MYO10: variants seen among roughly 807,000 people sequenced by gnomAD.
MYO10 encodes myosin X, also known as unconventional myosin-X.
In MYO10, 133 loss-of-function variants were observed where a neutral mutation model predicts 257.3. That is an observed-to-expected ratio of 0.52 (90% CI 0.45 to 0.60). The LOEUF (loss-of-function observed/expected upper bound fraction) is 0.60. MYO10 is among the 20% of genes least tolerant of loss of function. MYO10 has a pLI of 0.00. For missense variants in MYO10, 2,399 were observed against 2,635.7 expected (o/e 0.91, Z 1.97); for synonymous variants, 1,104 against 1,028.6 (o/e 1.07, Z -1.40).
chr5:16,681,795 A>C, intron 31 of MYO10, 76 bp downstream of exon 31: 1 of 1,482,884 alleles, frequency 6.7e-7, no homozygotes, highest in Non-Finnish European at 9.1e-7. Context: ...CTCGAAATGA[A>C]AATGCTGCAG....
intron 19 of MYO10, among the ~76,000 whole-genome samples, chr5:16,726,654 T>C (rs773063955): frequency 1.3e-5 from 2 of 152,190 alleles, no homozygotes; most frequent in Admixed American, 6.5e-5. Flanking sequence ...TTCCTGTAGT[T>C]CCAACGTATT....
chr5:16,682,018 G>T lies in MYO10; in HGVS notation c.4047-5C>A. 1 of 1,612,356 alleles carries T rather than the reference G, an allele frequency of 6.2e-7. No individual in the cohort carries two copies. ...ATGATCACAAACGAGTTGGGTCTGA[G>T]CCACAAGATGAGAAGGAAACAAAGC... On this transcript the variant is annotated splice_polypyrimidine_tract_variant and splice_region_variant and intron_variant, in intron 30 of 40. Coordinates refer to ENST00000513610, the MANE Select transcript of MYO10 (RefSeq NM_012334.3).
intron 30 of MYO10, 147 bp downstream of exon 30, chr5:16,683,733 C>T (rs1737112491): frequency 5.6e-6 from 4 of 715,864 alleles, no homozygotes; most frequent in Non-Finnish European, 9.3e-6. Flanking sequence ...AGAAGGAAGA[C>T]TGGATTGCTG....
At chr5:16,845,543 T>TA (rs1194838258) in intron 2 of MYO10, among the ~76,000 whole-genome samples, 12 of 152,010 alleles carry the variant, frequency 7.9e-5, no homozygotes, top group Admixed American at 2.0e-4. Context: ...GGTCCACACT[T>TA]AGAGTCCCAG....
At position 16,870,303 on chromosome 5, in the gene MYO10, G is replaced by C. The variant is rs199715129; in HGVS notation, c.120+7306C>G. ...CAAAACACTAATACTGGTGGAATAC[G>C]GAAGGGCTTGAGTGCTTCTTGCTCT... is the stretch of plus-strand genomic sequence containing the variant. On this transcript the variant is annotated intron_variant, in intron 2 of 40. Transcript: ENST00000513610. Among the ~76,000 whole-genome samples the C allele has an allele frequency of 2.7e-4, 41 of 151,476 alleles. 1 individual carries two copies. The East Asian group carries it at 6.1e-3, about 22-fold the overall frequency.
intron 2 of MYO10, among the ~76,000 whole-genome samples, chr5:16,870,333 T>C (rs1437292150): frequency 2.0e-5 from 3 of 151,430 alleles, no homozygotes; most frequent in Non-Finnish European, 4.4e-5. Flanking sequence ...TGCTCTTCAT[T>C]TTAAGTAATT....
At chr5:16,881,971 A>C (rs1744765761) in intron 1 of MYO10, among the ~76,000 whole-genome samples, 1 of 152,244 alleles carries the variant, frequency 6.6e-6, no homozygotes, top group Admixed American at 6.5e-5. Flanking sequence ...AATTGCCTTT[A>C]TAAGCAGGTG....
chr5:16,708,196 T>G (rs1415564296), intron 21 of MYO10, among the ~76,000 whole-genome samples: 1 of 152,230 alleles, frequency 6.6e-6, no homozygotes, highest in East Asian at 1.9e-4. Flanking sequence ...ACTGAACTCC[T>G]CTTTAAAAAC....
chr5:16,712,162 G>T (rs1738650778), intron 19 of MYO10, among the ~76,000 whole-genome samples: 1 of 152,102 alleles, frequency 6.6e-6, no homozygotes, highest in Non-Finnish European at 1.5e-5. Flanking sequence ...AGCCGGTTTG[G>T]AAGACATAGA....
At position 16,778,835 on chromosome 5, in the gene MYO10, C is replaced by T. The variant is rs913275624; in HGVS notation, c.930+710G>A. Among the ~76,000 whole-genome samples the T allele has an allele frequency of 3.3e-5, 5 of 152,044 alleles. No homozygotes were observed. In the East Asian group the frequency reaches 7.8e-4, roughly 24 times the overall value. ...CCTCCCGAGTAGCTGGGACTATAGG[C>T]GCCCGCCACCACGCCCGGCTAATTG... On this transcript the variant is annotated intron_variant, in intron 9 of 40. Coordinates refer to ENST00000513610, the MANE Select transcript of MYO10 (RefSeq NM_012334.3).
intron 19 of MYO10, among the ~76,000 whole-genome samples, chr5:16,715,582 G>A (rs202087615): frequency 9.2e-5 from 1 of 10,860 alleles, no homozygotes; most frequent in African/African-American, 1.6e-4. Flanking sequence ...TTACAGGCAT[G>A]AGCCACCTCA....
rs576990198 is a variant in MYO10 at position 16,671,580 on chromosome 5, G to A, written c.5310-38C>T. On this transcript the variant is annotated intron_variant, in intron 37 of 40. Coordinates refer to ENST00000513610, the MANE Select transcript of MYO10 (RefSeq NM_012334.3). ...GTCAAGAGAGGCTCAGAATATGAAC[G>A]AGAAGGGCCTTCAGTGACCCGCAGG... 3.1e-6 allele frequency: 5 copies of A among 1,613,200 alleles called. No homozygotes were observed. The East Asian group carries it at 6.7e-5, about 22-fold the overall frequency.
At chr5:16,928,689 T>C (rs2449479) in intron 1 of MYO10, among the ~76,000 whole-genome samples, 70,839 of 150,804 alleles carry the variant, frequency 0.47, 16,894 homozygotes, top group African/African-American at 0.53. Context: ...ACTAAAAATA[T>C]CAAAAATTAG....
chr5:16,755,310 C>T (rs984117376), intron 18 of MYO10, among the ~76,000 whole-genome samples: 5 of 152,166 alleles, frequency 3.3e-5, no homozygotes, highest in Admixed American at 6.5e-5. Flanking sequence ...GGACTACAGG[C>T]GCCCGCCACC....
chr5:16,710,479 C>T (rs547553129), intron 21 of MYO10, among the ~76,000 whole-genome samples: 1 of 152,286 alleles, frequency 6.6e-6, no homozygotes, highest in East Asian at 1.9e-4. Context: ...TTCAGACCGG[C>T]TACTGATCTC....
chr5:16,702,900 C>T (rs1738150245), intron 23 of MYO10, 25 bp downstream of exon 23: 12 of 1,538,178 alleles, frequency 7.8e-6, no homozygotes, highest in Non-Finnish European at 9.7e-6. Flanking sequence ...CCATTTGTTT[C>T]ATCCCAGCAA....
chr5:16,858,168 C>G lies in MYO10; in HGVS notation c.120+19441G>C, dbSNP rs139354338. Among the ~76,000 whole-genome samples the G allele has an allele frequency of 4.3e-3, 654 of 152,242 alleles. 6 individuals are homozygous for G. Among genetic ancestry groups the G allele is most frequent in the African/African-American group, 0.015 (620 of 41,546 alleles). ...CCGATGAATGGGCATGGCTGTGTTC[C>G]AATATAACTTTATTAAATTTGAATT... is the stretch of plus-strand genomic sequence containing the variant. On this transcript the variant is annotated intron_variant, in intron 2 of 40. Coordinates refer to ENST00000513610, the MANE Select transcript of MYO10 (RefSeq NM_012334.3).
chr5:16,913,867 C>T (rs1189161497), intron 1 of MYO10, among the ~76,000 whole-genome samples: 12 of 151,960 alleles, frequency 7.9e-5, no homozygotes, highest in Admixed American at 4.6e-4. Flanking sequence ...TACAGTTGCT[C>T]GAGACAAAAA....
chr5:16,715,570 G>T (rs1340375623), intron 19 of MYO10, among the ~76,000 whole-genome samples: 1 of 10,734 alleles, frequency 9.3e-5, no homozygotes, highest in African/African-American at 1.6e-4. Flanking sequence ...AAAGTGCTGG[G>T]ATTACAGGCA....
Sources: gnomAD v4.1 joint callset for allele counts (sites outside exome capture counted in the v4.1 genomes callset) on GRCh38, gnomAD v4.1.1 for gene constraint, MANE v1.5 for transcripts, NCBI Gene and HGNC (gene_info 2026-07-23, HGNC 2026-07-21) for gene names.